Variants in GRIK3 observed in about 807,000 individuals in gnomAD.
GRIK3 encodes the protein glutamate receptor ionotropic, kainate 3.
In GRIK3, 29 loss-of-function variants were observed where a neutral mutation model predicts 102.5. That is an observed-to-expected ratio of 0.28 (90% CI 0.21 to 0.39). GRIK3 has a LOEUF of 0.39. GRIK3 is among the 10% of genes least tolerant of loss of function. The probability of loss-of-function intolerance (pLI) is 1.00; values close to 1 mark genes in which losing one functional copy is unlikely to be tolerated. For synonymous variants in GRIK3, 511 were observed against 504.9 expected (o/e 1.01, Z -0.16); for missense variants, 908 against 1,252.4 (o/e 0.73, Z 4.15).
Position 36,797,575 on chromosome 1 carries a change from T to C in GRIK3, c.*4276A>G, listed in dbSNP as rs1642381781. ...AGACCTGCCCACAGAGTTGGGCTCA[T>C]TTCTTGTATCTGTCCATGAGGCTGG... On this transcript the variant is annotated 3_prime_UTR_variant, in exon 16 of 16. Transcript: ENST00000373091. 6.6e-6 allele frequency: 1 copy of C among 152,192 alleles called. No homozygotes were observed. Among genetic ancestry groups the C allele is most frequent in the Non-Finnish European group, 1.5e-5 (1 of 68,032 alleles). The allele number at this position is 152,192 out of a possible 1,614,324, so 9.4% of individuals were successfully genotyped here.
chr1:36,866,192 G>A (rs963039322), intron 5 of GRIK3, among the ~76,000 whole-genome samples: 1 of 152,240 alleles, frequency 6.6e-6, no homozygotes, highest in African/African-American at 2.4e-5. Flanking sequence ...AAAATCAGAG[G>A]GTTTTGGAAC....
At chr1:36,884,287 T>C (rs1641015282) in intron 2 of GRIK3, among the ~76,000 whole-genome samples, 1 of 152,192 alleles carries the variant, frequency 6.6e-6, no homozygotes, top group South Asian at 2.1e-4. Context: ...ACCACAGTGA[T>C]AATAAATGCT....
intron 12 of GRIK3, among the ~76,000 whole-genome samples, chr1:36,817,810 C>A (rs767694876): frequency 7.2e-5 from 11 of 152,174 alleles, no homozygotes; most frequent in Non-Finnish European, 1.6e-4. Flanking sequence ...CCCAGCCTCA[C>A]ATAAATACTG....
intron 1 of GRIK3, among the ~76,000 whole-genome samples, chr1:36,995,666 C>T (rs1642412032): frequency 6.6e-6 from 1 of 152,210 alleles, no homozygotes; most frequent in South Asian, 2.1e-4. Context: ...ACAGTTTCCT[C>T]AGGAACCAGC....
rs1161800421 is a variant in GRIK3 at position 36,802,032 on chromosome 1, C to T, written c.2579G>A (p.Ser860Asn). The change falls in exon 16 of 16, where the codon AGC becomes AAC. Residue 860 changes from serine to asparagine, a missense_variant. Coordinates refer to ENST00000373091, the MANE Select transcript of GRIK3 (RefSeq NM_000831.4). ...TAEREQRSFC[S>N]TVADEIRFSL... is the part of the protein sequence containing the mutation. ...GAAACGGATCTCATCGGCCACGGTG[C>T]TGCAGAAGGAACGCTGCAGGAGGGT... is the stretch of plus-strand genomic sequence containing the variant. The T allele has an allele frequency of 1.9e-6, 3 of 1,611,216 alleles. No homozygotes were observed. In the Admixed American group the frequency reaches 5.0e-5, roughly 27 times the overall value.
intron 1 of GRIK3, among the ~76,000 whole-genome samples, chr1:37,006,694 C>G (rs562660030): frequency 1.3e-5 from 2 of 152,340 alleles, no homozygotes; most frequent in Non-Finnish European, 2.9e-5. Flanking sequence ...GAGCTCTGTT[C>G]TGAGTTACCT....
chr1:36,859,310 C>A, intron 6 of GRIK3, 59 bp from the exon 7 acceptor site: 1 of 1,529,996 alleles, frequency 6.5e-7, no homozygotes, highest in South Asian at 1.2e-5. Flanking sequence ...TCAGCCCACC[C>A]TGCCCTGTCC....
At chr1:36,841,649 C>A in intron 10 of GRIK3, 87 bp downstream of exon 10, 1 of 1,178,430 alleles carries the variant, frequency 8.5e-7, no homozygotes, top group East Asian at 2.3e-5. Context: ...CCTTTTTCTG[C>A]CAGGCTGCCC....
chr1:36,851,508 G>A (rs993379306), intron 8 of GRIK3, among the ~76,000 whole-genome samples: 2 of 152,254 alleles, frequency 1.3e-5, no homozygotes, highest in Admixed American at 6.5e-5. Flanking sequence ...CTTTGAGCGT[G>A]CCTAGCAGAG....
At chr1:36,829,232 T>C (rs1299888484) in intron 10 of GRIK3, among the ~76,000 whole-genome samples, 1 of 152,232 alleles carries the variant, frequency 6.6e-6, no homozygotes, top group African/African-American at 2.4e-5. Context: ...GTCAAGCCTT[T>C]GCTGTTTCGG....
intron 1 of GRIK3, among the ~76,000 whole-genome samples, chr1:36,955,914 C>T (rs547394687): frequency 6.6e-6 from 1 of 152,386 alleles, no homozygotes; most frequent in South Asian, 2.1e-4. Flanking sequence ...TGGCCTGTGG[C>T]CAAGGCCTTC....
chr1:36,918,627 A>T (rs1486031856), intron 1 of GRIK3, among the ~76,000 whole-genome samples: 1 of 152,198 alleles, frequency 6.6e-6, no homozygotes, highest in East Asian at 1.9e-4. Flanking sequence ...CCTATGGTTC[A>T]TACCTTGCAG....
chr1:36,968,567 G>T (rs1314788563), intron 1 of GRIK3, among the ~76,000 whole-genome samples: 3 of 152,170 alleles, frequency 2.0e-5, no homozygotes, highest in African/African-American at 4.8e-5. Context: ...AGGGCCCCTT[G>T]CTGGTAGCTC....
At chr1:36,951,111 G>C (rs1016971305) in intron 1 of GRIK3, among the ~76,000 whole-genome samples, 1 of 152,248 alleles carries the variant, frequency 6.6e-6, no homozygotes, top group Non-Finnish European at 1.5e-5. Flanking sequence ...GCTTTGTAGA[G>C]GAGCTGGCTG....
chr1:36,852,813 TGCTGGGGACAGAGTGTG>T (rs1205844270), intron 8 of GRIK3, among the ~76,000 whole-genome samples: 2 of 152,146 alleles, frequency 1.3e-5, no homozygotes, highest in Non-Finnish European at 2.9e-5. Context: ...GGGACCCACT[TGCTGGGGACAGAGTGTG>T]GCTGAGCCCC....
intron 1 of GRIK3, among the ~76,000 whole-genome samples, chr1:37,030,529 T>TCCC (rs1442097555): frequency 4.3e-5 from 5 of 117,278 alleles, no homozygotes; most frequent in African/African-American, 2.1e-4. Context: ...ACCCTTCCTT[T>TCCC]TCCCCACCCC....
chr1:36,992,625 T>C (rs1332690672), intron 1 of GRIK3, among the ~76,000 whole-genome samples: 1 of 152,130 alleles, frequency 6.6e-6, no homozygotes, highest in East Asian at 1.9e-4. Flanking sequence ...GGTTGATGGA[T>C]GTAAACAGTG....
At chr1:36,998,674 G>C (rs1642443883) in intron 1 of GRIK3, among the ~76,000 whole-genome samples, 1 of 152,172 alleles carries the variant, frequency 6.6e-6, no homozygotes, top group African/African-American at 2.4e-5. Flanking sequence ...CCATTTTATA[G>C]AAGAGGAACT....
intron 1 of GRIK3, among the ~76,000 whole-genome samples, chr1:37,023,473 C>T (rs185071599): frequency 6.6e-6 from 1 of 152,122 alleles, no homozygotes; most frequent in African/African-American, 2.4e-5. Flanking sequence ...GAGGGACAGT[C>T]TATGAGTCCA....
Sources: allele counts gnomAD v4.1 joint callset (sites outside exome capture counted in the v4.1 genomes callset), GRCh38; gene constraint gnomAD v4.1.1; transcripts MANE v1.5; gene names NCBI Gene and HGNC (gene_info 2026-07-23, HGNC 2026-07-21).